ADAMTS12: variants seen among roughly 807,000 people sequenced by gnomAD.
ADAMTS12 encodes the protein ADAM metallopeptidase with thrombospondin type 1 motif 12.
Under a neutral mutation model 167.8 loss-of-function variants are expected in ADAMTS12, and 118 were observed. The observed-to-expected ratio is 0.70, with a 90% CI of 0.61 to 0.82. The LOEUF is 0.82. ADAMTS12 is among the 40% of genes least tolerant of loss of function. ADAMTS12 has a pLI of 0.00. For synonymous variants in ADAMTS12, 704 were observed against 716.9 expected (o/e 0.98, Z 0.29); for missense variants, 1,916 against 1,998.8 (o/e 0.96, Z 0.79).
rs150984085 is a variant in ADAMTS12 at position 33,724,084 on chromosome 5, T to C, written c.634+27320A>G. On this transcript the variant is annotated intron_variant, in intron 3 of 23. Transcript: ENST00000504830. ...TGTACCAAACTCTCTGGTTCTCTCC[T>C]ATGCTGTTGACCAACAGTGTGATCA... Among the ~76,000 whole-genome samples, 607 of 152,352 alleles carry C rather than the reference T, an allele frequency of 4.0e-3. 1 individual carries two copies. Among genetic ancestry groups the C allele is most frequent in the Non-Finnish European group, 6.9e-3 (467 of 68,038 alleles).
At chr5:33,559,364 A>G (rs772593095) in intron 20 of ADAMTS12, among the ~76,000 whole-genome samples, 2 of 152,120 alleles carry the variant, frequency 1.3e-5, no homozygotes, top group Non-Finnish European at 2.9e-5. Context: ...CTGGCCCTCA[A>G]TCTCACCACT....
chr5:33,614,269 G>T lies in ADAMTS12; in HGVS notation c.2496C>A (p.His832Gln). 6.2e-7 allele frequency: 1 copy of T among 1,614,038 alleles called. No homozygotes were observed. The highest frequency in any genetic ancestry group is 8.5e-7 in the Non-Finnish European group (1 of 1,179,976). Residue 832 changes from histidine to glutamine, a missense_variant, in exon 16 of 24, where the codon CAC (histidine) becomes CAA (glutamine). His to Gln is a conservative substitution (Grantham distance 24). Transcript: ENST00000504830. Reference sequence around the variant, plus strand: ...CGCAGGTCACACTGCACTCTGTCCAGTGGCCGTACTGCCAGAAGTACATCT... The same window carrying T: ...CGCAGGTCACACTGCACTCTGTCCATTGGCCGTACTGCCAGAAGTACATCT... ...EQQMYFWQYGHWTECSVTCGT... is the reference protein window; with the variant it reads ...EQQMYFWQYGQWTECSVTCGT...
At chr5:33,621,853 A>T (rs1205355031) in intron 14 of ADAMTS12, among the ~76,000 whole-genome samples, 2 of 152,220 alleles carry the variant, frequency 1.3e-5, no homozygotes, top group Non-Finnish European at 2.9e-5. Flanking sequence ...GTGAGGAAGA[A>T]ATATATAAAA....
chr5:33,663,799 G>T (rs774111026), intron 5 of ADAMTS12, among the ~76,000 whole-genome samples: 2 of 152,138 alleles, frequency 1.3e-5, no homozygotes, highest in Non-Finnish European at 2.9e-5. Flanking sequence ...TATTTTTCTG[G>T]TCTGTTTTTA....
intron 2 of ADAMTS12, among the ~76,000 whole-genome samples, chr5:33,874,560 C>T (rs1315973444): frequency 6.6e-6 from 1 of 152,168 alleles, no homozygotes; most frequent in Non-Finnish European, 1.5e-5. Flanking sequence ...ACCATATAAT[C>T]CAGCAGTAAC....
At chr5:33,537,676 C>A (rs898153217) in intron 22 of ADAMTS12, among the ~76,000 whole-genome samples, 6 of 152,204 alleles carry the variant, frequency 3.9e-5, no homozygotes, top group Admixed American at 6.5e-5. Flanking sequence ...TATCCTTCTA[C>A]ACAGCTAAGT....
intron 3 of ADAMTS12, among the ~76,000 whole-genome samples, chr5:33,696,523 T>C (rs927600173): frequency 4.6e-5 from 7 of 152,084 alleles, no homozygotes; most frequent in Admixed American, 1.3e-4. Flanking sequence ...ATAACACAAA[T>C]TGAAAATTCT....
intron 2 of ADAMTS12, among the ~76,000 whole-genome samples, chr5:33,771,835 T>A (rs1745749377): frequency 6.6e-6 from 1 of 151,588 alleles, no homozygotes. Context: ...TCTTTCTTTC[T>A]TTCTTTTTTT....
intron 3 of ADAMTS12, among the ~76,000 whole-genome samples, chr5:33,703,484 T>G (rs1484420337): frequency 6.6e-6 from 1 of 152,178 alleles, no homozygotes; most frequent in African/African-American, 2.4e-5. Context: ...GGCCCTATAT[T>G]GTACAGATCT....
chr5:33,712,772 A>C (rs1743449928), intron 3 of ADAMTS12, among the ~76,000 whole-genome samples: 1 of 152,116 alleles, frequency 6.6e-6, no homozygotes, highest in Admixed American at 6.6e-5. Context: ...TCTTGTACAA[A>C]GAGGTGAAGC....
intron 3 of ADAMTS12, among the ~76,000 whole-genome samples, chr5:33,716,750 A>G (rs961786736): frequency 1.3e-5 from 2 of 152,166 alleles, no homozygotes; most frequent in Non-Finnish European, 2.9e-5. Context: ...TTTTCTAGCA[A>G]TGATGGATCA....
chr5:33,828,802 T>A (rs1748189835), intron 2 of ADAMTS12, among the ~76,000 whole-genome samples: 1 of 152,124 alleles, frequency 6.6e-6, no homozygotes. Flanking sequence ...TGGCAGAGGG[T>A]ATGATGCAGT....
At chr5:33,619,990 G>C (rs1739229957) in intron 14 of ADAMTS12, among the ~76,000 whole-genome samples, 1 of 152,204 alleles carries the variant, frequency 6.6e-6, no homozygotes, top group African/African-American at 2.4e-5. Context: ...ACTGCATCCG[G>C]CCAATGACTT....
At chr5:33,849,981 T>C (rs977515863) in intron 2 of ADAMTS12, among the ~76,000 whole-genome samples, 3 of 152,140 alleles carry the variant, frequency 2.0e-5, no homozygotes, top group Admixed American at 2.0e-4. Context: ...ATGTATTTTA[T>C]AGTGTAAATC....
chr5:33,751,084 C>G (rs1350333966), intron 3 of ADAMTS12: 3 of 439,556 alleles, frequency 6.8e-6, no homozygotes, highest in Non-Finnish European at 1.2e-5. Flanking sequence ...GTAGACTATT[C>G]AGAAGAGTTT....
At chr5:33,885,993 G>A (rs1236344588) in intron 1 of ADAMTS12, among the ~76,000 whole-genome samples, 1 of 152,234 alleles carries the variant, frequency 6.6e-6, no homozygotes, top group African/African-American at 2.4e-5. Flanking sequence ...CGGGAAGAGT[G>A]TGGCGGAAGC....
At chr5:33,609,831 A>C (rs1738636435) in intron 16 of ADAMTS12, among the ~76,000 whole-genome samples, 1 of 152,180 alleles carries the variant, frequency 6.6e-6, no homozygotes, top group South Asian at 2.1e-4. Context: ...ATTCAGTCTT[A>C]ATAAAGATTT....
chr5:33,632,933 A>T (rs534152880), intron 12 of ADAMTS12, among the ~76,000 whole-genome samples: 1 of 152,114 alleles, frequency 6.6e-6, no homozygotes, highest in South Asian at 2.1e-4. Context: ...AGAAACGGAC[A>T]GATTCACTAA....
intron 11 of ADAMTS12, among the ~76,000 whole-genome samples, chr5:33,639,339 T>C (rs1299103091): frequency 6.6e-6 from 1 of 152,170 alleles, no homozygotes; most frequent in Admixed American, 6.5e-5. Flanking sequence ...GTTTATAATT[T>C]GGTTGAGGAG....
Sources: gnomAD v4.1 joint callset for allele counts (sites outside exome capture counted in the v4.1 genomes callset) on GRCh38, gnomAD v4.1.1 for gene constraint, MANE v1.5 for transcripts, NCBI Gene and HGNC (gene_info 2026-07-23, HGNC 2026-07-21) for gene names.